Variants in PARVG observed in about 807,000 individuals in gnomAD.
PARVG encodes gamma-parvin.
PARVG carries 36 observed loss-of-function variants against 44.4 expected under a neutral mutation model. That is an observed-to-expected ratio of 0.81 (90% CI 0.62 to 1.07). The LOEUF (loss-of-function observed/expected upper bound fraction) is 1.07, where lower values mean the gene tolerates loss of function less well. Among genes scored for constraint, PARVG ranks in the 50% least tolerant of loss-of-function variants. The pLI, the probability that PARVG is intolerant of heterozygous loss-of-function variation, is 0.00. For missense variants in PARVG, 407 were observed against 407.4 expected, an observed-to-expected ratio of 1.00 and a Z score of 0.01; for synonymous variants, 170 against 174.1, an observed-to-expected ratio of 0.98 and a Z score of 0.19.
Position 44,198,723 on chromosome 22 carries a change from G to C in PARVG, c.813+1G>C, listed in dbSNP as rs574194735. On this transcript the variant is annotated splice_donor_variant, in intron 12 of 13. Coordinates refer to ENST00000444313, the MANE Select transcript of PARVG (RefSeq NM_022141.7). LOFTEE classifies it high-confidence loss of function. ...CACTCCCAACTCTCCTGCAGAAATG[G>C]TAAGTTTTCCAAGGATTTTTCTTTA... The C allele has an allele frequency of 6.2e-7, 1 of 1,603,992 alleles. No homozygotes were observed. The highest frequency in any genetic ancestry group is 1.3e-5 in the African/African-American group (1 of 74,888).
chr22:44,183,701 C>G (rs555615160), intron 3 of PARVG: 1 of 423,104 alleles, frequency 2.4e-6, no homozygotes, highest in African/African-American at 2.0e-5. Context: ...GCACCTCTTA[C>G]CAATAGCAAC....
intron 12 of PARVG, among the ~76,000 whole-genome samples, chr22:44,200,510 T>C (rs1331721920): frequency 2.0e-5 from 3 of 152,194 alleles, no homozygotes; most frequent in Non-Finnish European, 4.4e-5. Context: ...GAGGTGACAT[T>C]GGAGGCGTGC....
intron 12 of PARVG, among the ~76,000 whole-genome samples, chr22:44,203,074 C>G (rs1270415482): frequency 6.6e-6 from 1 of 152,146 alleles, no homozygotes; most frequent in East Asian, 1.9e-4. Flanking sequence ...AGGGTCAGCT[C>G]TTACTGGGGG....
intron 11 of PARVG, 75 bp downstream of exon 11, chr22:44,196,490 C>T (rs902397317): frequency 6.5e-7 from 1 of 1,541,236 alleles, no homozygotes; most frequent in Non-Finnish European, 8.9e-7. Flanking sequence ...TTCTGCAGGC[C>T]CTGGGAACCT....
chr22:44,203,314 C>T (rs2054734386), intron 12 of PARVG, among the ~76,000 whole-genome samples: 1 of 152,166 alleles, frequency 6.6e-6, no homozygotes, highest in Admixed American at 6.5e-5. Context: ...AGGAGGTGTT[C>T]TGTGACAAAT....
upstream of PARVG, among the ~76,000 whole-genome samples, chr22:44,179,229 A>C (rs2054345880): frequency 6.6e-6 from 1 of 152,090 alleles, no homozygotes; most frequent in Admixed American, 6.5e-5. The surrounding 1 kb of genome is among the most constrained non-coding windows in gnomAD (Gnocchi z 4.2). Flanking sequence ...TCCAATTCTT[A>C]GAGTCCCTCT....
intron 3 of PARVG, chr22:44,184,337 A>G (rs768109713): frequency 2.6e-5 from 4 of 152,092 alleles, no homozygotes; most frequent in African/African-American, 7.2e-5. Flanking sequence ...TTTAATGTTT[A>G]TTTATTTATT....
intron 12 of PARVG, among the ~76,000 whole-genome samples, chr22:44,202,251 G>A (rs1474288406): frequency 6.6e-6 from 1 of 152,240 alleles, no homozygotes; most frequent in Admixed American, 6.5e-5. Flanking sequence ...GCTCAGTGGG[G>A]TTGAAGCCAA....
chr22:44,173,545 A>G (rs980196386), intron 1 of PARVG, among the ~76,000 whole-genome samples: 1 of 152,020 alleles, frequency 6.6e-6, no homozygotes, highest in African/African-American at 2.4e-5. Flanking sequence ...GCTATTAAAA[A>G]AAAATAAGCT....
At chr22:44,205,204 A>G (rs2054763431) in intron 12 of PARVG, among the ~76,000 whole-genome samples, 1 of 152,216 alleles carries the variant, frequency 6.6e-6, no homozygotes. Context: ...TTGCATGAGC[A>G]TTGGAGCGGA....
intron 3 of PARVG, chr22:44,185,259 T>A (rs995802748): frequency 1.3e-5 from 2 of 154,974 alleles, no homozygotes; most frequent in Non-Finnish European, 2.9e-5. Context: ...TATCCCCCCA[T>A]GTACCTTGGA....
At chr22:44,181,250 G>A in intron 1 of PARVG, 65 bp downstream of exon 1, 1 of 758,170 alleles carries the variant, frequency 1.3e-6, no homozygotes, top group Non-Finnish European at 1.6e-6. Flanking sequence ...AGAGCTATTG[G>A]GTGCCGTTGG....
exon 1 of PARVG, chr22:44,173,006 G>T: frequency 7.8e-7 from 1 of 1,289,704 alleles, no homozygotes; most frequent in Non-Finnish European, 1.0e-6. Context: ...GTCATGGATG[G>T]TGCCAGCGAA....
intron 4 of PARVG, 147 bp from the exon 5 acceptor site, chr22:44,187,629 A>C: frequency 1.4e-6 from 1 of 727,772 alleles, no homozygotes; most frequent in South Asian, 1.7e-5. Flanking sequence ...TGGGAGATCA[A>C]GGAGGGCTTC....
chr22:44,174,983 G>C (rs146147520), intron 1 of PARVG, among the ~76,000 whole-genome samples: 3 of 150,986 alleles, frequency 2.0e-5, no homozygotes, highest in Admixed American at 1.3e-4. Context: ...TTAGCTGGGC[G>C]TGGTGCCAGG....
At chr22:44,179,522 G>C (rs1210782781), upstream of PARVG, among the ~76,000 whole-genome samples, 1 of 152,166 alleles carries the variant, frequency 6.6e-6, no homozygotes, top group East Asian at 1.9e-4. The surrounding 1 kb of genome is among the most constrained non-coding windows in gnomAD (Gnocchi z 4.2). Context: ...ACCTGTGCTC[G>C]TATTGCGTAT....
At chr22:44,181,653 G>A (rs773974256) in intron 1 of PARVG, 89 bp from the exon 2 acceptor site, 4 of 948,484 alleles carry the variant, frequency 4.2e-6, no homozygotes, top group East Asian at 1.2e-4. Context: ...CAGGCGGCAC[G>A]GCGGGCGCTG....
intron 1 of PARVG, among the ~76,000 whole-genome samples, chr22:44,174,994 C>T (rs1160543763): frequency 1.3e-5 from 2 of 152,088 alleles, no homozygotes; most frequent in Non-Finnish European, 2.9e-5. Flanking sequence ...TGGTGCCAGG[C>T]ACCTGTAATC....
chr22:44,198,953 T>TCCATCCACCCACCCACCCTCCCAC (rs1569186509), intron 12 of PARVG, among the ~76,000 whole-genome samples: 1 of 31,756 alleles, frequency 3.1e-5, no homozygotes, highest in Non-Finnish European at 9.7e-5. Flanking sequence ...CACCCATCCA[T>TCCATCCACCCACCCACCCTCCCAC]CCATCCATCC....
Sources: allele counts gnomAD v4.1 joint callset (sites outside exome capture counted in the v4.1 genomes callset), GRCh38; gene constraint gnomAD v4.1.1; non-coding constraint Gnocchi (gnomAD v3.1); transcripts MANE v1.5; gene names NCBI Gene and HGNC (gene_info 2026-07-23, HGNC 2026-07-21).